The following CDK6 variants were observed in gnomAD, a reference collection of about 807,000 sequenced individuals.
CDK6 encodes cyclin dependent kinase 6, also known as cyclin-dependent kinase 6.
CDK6 carries 6 observed loss-of-function variants against 37.1 expected under a neutral mutation model. The ratio of observed to expected loss-of-function variants is 0.16; its 90% CI spans 0.09 to 0.32. The LOEUF is 0.32. Among genes scored for constraint, CDK6 ranks in the 10% least tolerant of loss-of-function variants. The pLI, the probability that CDK6 is intolerant of heterozygous loss-of-function variation, is 1.00. For missense variants in CDK6, 224 were observed against 418.9 expected, an observed-to-expected ratio of 0.53 and a Z score of 4.06; for synonymous variants, 160 against 161.3, an observed-to-expected ratio of 0.99 and a Z score of 0.06.
intron 5 of CDK6, among the ~76,000 whole-genome samples, chr7:92,659,467 C>T (rs993736894): frequency 6.6e-6 from 1 of 152,126 alleles, no homozygotes; most frequent in Admixed American, 6.6e-5. Flanking sequence ...TCTTAAAATG[C>T]AGCTACTAGA....
intron 3 of CDK6, among the ~76,000 whole-genome samples, chr7:92,730,002 C>T (rs750688986): frequency 1.3e-5 from 2 of 152,218 alleles, no homozygotes; most frequent in Admixed American, 6.5e-5. Flanking sequence ...CCTTGGCCTC[C>T]CAAAGTGCTG....
intron 3 of CDK6, among the ~76,000 whole-genome samples, chr7:92,746,895 A>G (rs1468724769): frequency 6.6e-6 from 1 of 152,098 alleles, no homozygotes; most frequent in Non-Finnish European, 1.5e-5. Flanking sequence ...CTCACAACTT[A>G]TTATTTTAAT....
chr7:92,606,574 T>C lies in CDK6; in HGVS notation c.*8566A>G, dbSNP rs1488969396. On this transcript the variant is annotated 3_prime_UTR_variant, in exon 8 of 8. Coordinates refer to ENST00000424848, the MANE Select transcript of CDK6 (RefSeq NM_001145306.2). ...CTAGATGAGTATCTGATATACACAATTTCTACATTTCTAGAACCATGATTT... is the reference window on the plus strand; with the variant it reads ...CTAGATGAGTATCTGATATACACAACTTCTACATTTCTAGAACCATGATTT... The C allele has an allele frequency of 8.6e-6, 2 of 233,168 alleles. No individual in the cohort carries two copies. The highest frequency in any genetic ancestry group is 1.7e-5 in the Non-Finnish European group (2 of 118,060). 14.4% of individuals were successfully genotyped at this position (233,168 alleles called of 1,614,324 possible). A position where few individuals can be genotyped will look rare whatever the true frequency, so the allele number is the denominator to read the frequency against.
intron 2 of CDK6, among the ~76,000 whole-genome samples, chr7:92,780,265 C>T (rs1056645452): frequency 1.3e-5 from 2 of 152,196 alleles, no homozygotes; most frequent in African/African-American, 4.8e-5. Context: ...AGCCACTGTG[C>T]CCGGCCAGAA....
At chr7:92,800,999 AATG>A (rs1242563926) in intron 2 of CDK6, among the ~76,000 whole-genome samples, 3 of 152,198 alleles carry the variant, frequency 2.0e-5, no homozygotes, top group Non-Finnish European at 4.4e-5. Context: ...TAACTTCCGA[AATG>A]ATGGATTAAA....
chr7:92,800,960 A>G (rs1800557010), intron 2 of CDK6, among the ~76,000 whole-genome samples: 1 of 152,180 alleles, frequency 6.6e-6, no homozygotes, highest in Admixed American at 6.5e-5. Flanking sequence ...TCCAGAAAAT[A>G]ACACTTTATC....
At chr7:92,723,399 T>C (rs1030180208) in intron 4 of CDK6, among the ~76,000 whole-genome samples, 2 of 152,166 alleles carry the variant, frequency 1.3e-5, no homozygotes, top group African/African-American at 2.4e-5. Context: ...AGTTCCTGTA[T>C]GACATAACCC....
intron 5 of CDK6, among the ~76,000 whole-genome samples, chr7:92,669,789 T>A (rs1463679530): frequency 6.6e-6 from 1 of 152,238 alleles, no homozygotes; most frequent in Non-Finnish European, 1.5e-5. Context: ...TTTTAAAGAC[T>A]GCCCATCCCT....
At chr7:92,709,775 G>A (rs2116677968) in intron 4 of CDK6, among the ~76,000 whole-genome samples, 1 of 152,234 alleles carries the variant, frequency 6.6e-6, no homozygotes, top group East Asian at 1.9e-4. Context: ...GAATTTGCCT[G>A]AGAAGAATGT....
chr7:92,691,516 T>G (rs1003748160), intron 4 of CDK6, among the ~76,000 whole-genome samples: 4 of 152,240 alleles, frequency 2.6e-5, no homozygotes, highest in African/African-American at 9.6e-5. Flanking sequence ...TTCATATTGT[T>G]CTCAAAAGGA....
chr7:92,748,104 ATTGTG>A (rs1260452708), intron 3 of CDK6, among the ~76,000 whole-genome samples: 1 of 152,138 alleles, frequency 6.6e-6, no homozygotes, highest in Non-Finnish European at 1.5e-5. Context: ...CTCTAAACTT[ATTGTG>A]TGTTCTAATG....
rs999519793 is a variant in CDK6 at position 92,835,070 on chromosome 7, A to G, written c.-367-1380T>C. On this transcript the variant is annotated intron_variant, in intron 1 of 7. Coordinates refer to ENST00000424848, the MANE Select transcript of CDK6 (RefSeq NM_001145306.2). This position sits in a 1 kb window ranked among gnomAD's most constrained non-coding sequence, Gnocchi z 4.2. ...GCCCGCTCGCCTTTTGCCAGGAATT[A>G]AACAAACGGCGCGACCCCCACGATG... 21 of 152,294 alleles carry G rather than the reference A, an allele frequency of 1.4e-4. No individual in the cohort carries two copies. Among genetic ancestry groups the G allele is most frequent in the African/African-American group, 5.1e-4 (21 of 41,568 alleles). 9.4% of individuals were successfully genotyped at this position (152,294 alleles called of 1,614,324 possible).
intron 3 of CDK6, among the ~76,000 whole-genome samples, chr7:92,729,627 T>C (rs937342999): frequency 2.6e-5 from 4 of 152,222 alleles, no homozygotes; most frequent in Admixed American, 2.6e-4. Flanking sequence ...AGTCTTGTAA[T>C]TGTTTCTCTT....
rs34132527 is a variant in CDK6, at chr7:92,823,443, TAAAAAAAAAAAAAA to T, written c.233+9634_233+9647del. Among the ~76,000 whole-genome samples the T allele has an allele frequency of 5.9e-3, 440 of 74,902 alleles. 1 individual carries two copies. Among genetic ancestry groups the T allele is most frequent in the Admixed American group, 0.015 (95 of 6,474 alleles). 49.1% of individuals were successfully genotyped at this position (74,902 alleles called of 152,430 possible). ...CACTCTTCTTTTGAGTCTTAATATG[TAAAAAAAAAAAAAA>T]AAAAAAAAAAAAAAGTCATTTCAAA... On this transcript the variant is annotated intron_variant, in intron 2 of 7. Transcript: ENST00000424848.
At chr7:92,770,858 G>A (rs1270833198) in intron 3 of CDK6, among the ~76,000 whole-genome samples, 4 of 152,128 alleles carry the variant, frequency 2.6e-5, no homozygotes, top group Admixed American at 1.3e-4. Context: ...ACTGGGTAGA[G>A]GAAAGTGGGT....
At chr7:92,706,143 A>G (rs1293006752) in intron 4 of CDK6, among the ~76,000 whole-genome samples, 1 of 152,240 alleles carries the variant, frequency 6.6e-6, no homozygotes, top group African/African-American at 2.4e-5. Context: ...AATCTAACCT[A>G]TTTGGGAAAT....
intron 4 of CDK6, among the ~76,000 whole-genome samples, chr7:92,699,526 T>G (rs1429123000): frequency 6.6e-6 from 1 of 152,268 alleles, no homozygotes; most frequent in Non-Finnish European, 1.5e-5. Context: ...CATGTCCTCA[T>G]GGACAATACA....
intron 2 of CDK6, among the ~76,000 whole-genome samples, chr7:92,802,356 C>A (rs1205252223): frequency 6.6e-6 from 1 of 152,128 alleles, no homozygotes; most frequent in African/African-American, 2.4e-5. Context: ...AGATTTCATT[C>A]AATATTCTAA....
intron 4 of CDK6, among the ~76,000 whole-genome samples, chr7:92,672,172 C>CACACAG (rs1797092358): frequency 1.0e-5 from 1 of 95,414 alleles, no homozygotes; most frequent in Non-Finnish European, 2.0e-5. Flanking sequence ...CACATACACA[C>CACACAG]ACACACACAC....
Sources: allele counts gnomAD v4.1 joint callset (sites outside exome capture counted in the v4.1 genomes callset), GRCh38; gene constraint gnomAD v4.1.1; non-coding constraint Gnocchi (gnomAD v3.1); transcripts MANE v1.5; gene names NCBI Gene and HGNC (gene_info 2026-07-23, HGNC 2026-07-21).